Variants in CACNA2D1 observed in about 807,000 individuals in gnomAD.
CACNA2D1 encodes the protein calcium voltage-gated channel auxiliary subunit alpha2delta 1.
In CACNA2D1, 53 loss-of-function variants were observed where a neutral mutation model predicts 171.5. The observed-to-expected ratio is 0.31, with a 90% CI of 0.25 to 0.39. The LOEUF is 0.39. CACNA2D1 is among the 10% of genes least tolerant of loss of function. CACNA2D1 has a pLI of 1.00. For missense variants in CACNA2D1, 903 were observed against 1,299.8 expected (o/e 0.69, Z 4.69); for synonymous variants, 442 against 443.1 (o/e 1.00, Z 0.03).
chr7:82,395,232 G>A (rs1419553813), intron 1 of CACNA2D1, among the ~76,000 whole-genome samples: 1 of 151,966 alleles, frequency 6.6e-6, no homozygotes, highest in East Asian at 1.9e-4. Context: ...CAACTCTGAT[G>A]GAATGTATGA....
intron 1 of CACNA2D1, among the ~76,000 whole-genome samples, chr7:82,374,965 G>A (rs1822852401): frequency 6.6e-6 from 1 of 152,082 alleles, no homozygotes; most frequent in South Asian, 2.1e-4. Flanking sequence ...GTACGTAGCT[G>A]GATTTAGAAT....
intron 3 of CACNA2D1, among the ~76,000 whole-genome samples, chr7:82,277,737 A>G (rs557713762): frequency 2.1e-5 from 3 of 141,316 alleles, no homozygotes; most frequent in African/African-American, 5.2e-5. Flanking sequence ...TGATTTTTTA[A>G]TTTTTTACTT....
intron 24 of CACNA2D1, among the ~76,000 whole-genome samples, chr7:81,975,859 T>C (rs1285034788): frequency 6.6e-6 from 1 of 152,140 alleles, no homozygotes; most frequent in Non-Finnish European, 1.5e-5. Flanking sequence ...GTTTCTGTCA[T>C]TGGCAGCAAA....
At chr7:82,138,319 G>T (rs2129081988) in intron 4 of CACNA2D1, among the ~76,000 whole-genome samples, 1 of 151,550 alleles carries the variant, frequency 6.6e-6, no homozygotes, top group Middle Eastern at 3.5e-3. Flanking sequence ...ATTTCATTTA[G>T]AATCACTAAA....
chr7:82,278,858 A>G (rs1809707924), intron 3 of CACNA2D1, among the ~76,000 whole-genome samples: 1 of 152,212 alleles, frequency 6.6e-6, no homozygotes, highest in South Asian at 2.1e-4. Context: ...TTAAAATGCA[A>G]GCACATGTAA....
chr7:82,246,321 C>T (rs1221711008), intron 3 of CACNA2D1, among the ~76,000 whole-genome samples: 1 of 151,724 alleles, frequency 6.6e-6, no homozygotes, highest in Non-Finnish European at 1.5e-5. Context: ...TACTTGTGCA[C>T]CTGTTCTTGC....
chr7:82,227,675 A>G (rs1802499932), intron 3 of CACNA2D1, among the ~76,000 whole-genome samples: 1 of 152,148 alleles, frequency 6.6e-6, no homozygotes, highest in South Asian at 2.1e-4. Flanking sequence ...CTGCTCTGCT[A>G]CTTATTCCAG....
At chr7:82,306,543 G>C (rs1224783088) in intron 3 of CACNA2D1, among the ~76,000 whole-genome samples, 1 of 152,182 alleles carries the variant, frequency 6.6e-6, no homozygotes, top group African/African-American at 2.4e-5. Context: ...TAATGGGTTA[G>C]TGACTGGCAG....
chr7:82,357,485 T>C (rs1297252913), intron 1 of CACNA2D1, among the ~76,000 whole-genome samples: 1 of 152,140 alleles, frequency 6.6e-6, no homozygotes. Context: ...AGAATTGTTA[T>C]AATAGGTCCT....
rs576702226 is a variant in CACNA2D1, at chr7:81,947,255, G to A, written c.*3137C>T. ...AAAGGGATACTGCCTATTTGAACCC[G>A]ATAAGTCCAGTTTTAAAGTTAATAA... On this transcript the variant is annotated 3_prime_UTR_variant, in exon 39 of 39. Coordinates refer to ENST00000356860, the MANE Select transcript of CACNA2D1 (RefSeq NM_000722.4). 1.3e-5 allele frequency: 2 copies of A among 151,210 alleles called. No homozygotes were observed. The highest frequency in any genetic ancestry group is 4.8e-5 in the African/African-American group (2 of 41,260). 9.4% of individuals were successfully genotyped at this position (151,210 alleles called of 1,614,324 possible).
intron 3 of CACNA2D1, among the ~76,000 whole-genome samples, chr7:82,224,569 G>A (rs532462422): frequency 1.3e-5 from 2 of 152,030 alleles, no homozygotes; most frequent in African/African-American, 2.4e-5. Flanking sequence ...GCAACACAGC[G>A]AGACTCCGAC....
chr7:82,426,011 T>TC lies in CACNA2D1; in HGVS notation c.95+17353dup, dbSNP rs199816377. Among the ~76,000 whole-genome samples, 879 of 151,424 alleles carry TC rather than the reference T, an allele frequency of 5.8e-3. 2 individuals carry two copies. The highest frequency in any genetic ancestry group is 9.3e-3 in the Non-Finnish European group (633 of 67,850). On this transcript the variant is annotated intron_variant, in intron 1 of 38. Coordinates refer to ENST00000356860, the MANE Select transcript of CACNA2D1 (RefSeq NM_000722.4). ...CGAGCATGGTGGCACATGCCTGTAA[T>TC]CCCAGCTAGTAGGGAGGCTGAGGCA...
chr7:82,120,275 A>G (rs1248587344), intron 5 of CACNA2D1, among the ~76,000 whole-genome samples: 2 of 152,112 alleles, frequency 1.3e-5, no homozygotes, highest in East Asian at 1.9e-4. Context: ...GTATGTATGT[A>G]CGTATATTTT....
Position 82,297,072 on chromosome 7 carries a change from C to CAAAAAAAAAAAAAAA in CACNA2D1, c.294+38048_294+38062dup, listed in dbSNP as rs57473351. Among the ~76,000 whole-genome samples the CAAAAAAAAAAAAAAA allele has an allele frequency of 8.7e-4, 63 of 72,234 alleles. 1 individual carries two copies. Among genetic ancestry groups the CAAAAAAAAAAAAAAA allele is most frequent in the Non-Finnish European group, 1.2e-3 (49 of 40,434 alleles). 47.4% of individuals were successfully genotyped at this position (72,234 alleles called of 152,430 possible). On this transcript the variant is annotated intron_variant, in intron 3 of 38. Coordinates refer to ENST00000356860, the MANE Select transcript of CACNA2D1 (RefSeq NM_000722.4). ...AAACATAGTGAGGCTCTGTGTCTAC[C>CAAAAAAAAAAAAAAA]AAAAAAAAAAAAAAAAAAAAAAAAA... is the stretch of plus-strand genomic sequence containing the variant.
intron 5 of CACNA2D1, among the ~76,000 whole-genome samples, chr7:82,123,156 C>G (rs915410826): frequency 6.6e-6 from 1 of 152,110 alleles, no homozygotes; most frequent in African/African-American, 2.4e-5. Context: ...TTTTGGAAAG[C>G]AGCCCCAAAA....
intron 2 of CACNA2D1, 39 bp from the exon 3 acceptor site, chr7:82,335,290 T>TA (rs751446313): frequency 8.5e-7 from 1 of 1,177,242 alleles, no homozygotes; most frequent in Non-Finnish European, 1.3e-6. Flanking sequence ...GAACAATAGT[T>TA]ACTTATTTGG....
At chr7:82,251,412 G>A (rs768106555) in intron 3 of CACNA2D1, among the ~76,000 whole-genome samples, 2 of 152,168 alleles carry the variant, frequency 1.3e-5, no homozygotes, top group East Asian at 1.9e-4. Context: ...GGCTTCTGTC[G>A]AAACTCACTG....
chr7:82,428,171 T>C lies in CACNA2D1; in HGVS notation c.95+15194A>G, dbSNP rs565665711. Among the ~76,000 whole-genome samples the C allele has an allele frequency of 4.6e-5, 7 of 151,374 alleles. No individual in the cohort carries two copies. The South Asian group carries it at 8.3e-4, about 18-fold the overall frequency. On this transcript the variant is annotated intron_variant, in intron 1 of 38. Transcript: ENST00000356860. ...CACCATATATGATCACTTTTTAGAA[T>C]TGTAATTACTTGATAGTCACATACA...
chr7:82,200,708 A>T (rs930002897), intron 3 of CACNA2D1, among the ~76,000 whole-genome samples: 3 of 149,044 alleles, frequency 2.0e-5, no homozygotes, highest in Non-Finnish European at 2.9e-5. Flanking sequence ...AAGCTCTTCC[A>T]TGATTCTGGA....
Sources: gnomAD v4.1 joint callset for allele counts (sites outside exome capture counted in the v4.1 genomes callset) on GRCh38, gnomAD v4.1.1 for gene constraint, MANE v1.5 for transcripts, NCBI Gene and HGNC (gene_info 2026-07-23, HGNC 2026-07-21) for gene names.